DLGAP1: variants seen among roughly 807,000 people sequenced by gnomAD.
The protein encoded by DLGAP1 is DLG associated protein 1, also known as disks large-associated protein 1.
A neutral mutation model predicts 90.8 loss-of-function variants in DLGAP1; 11 were observed. That is an observed-to-expected ratio of 0.12 (90% CI 0.08 to 0.20). DLGAP1 has a LOEUF of 0.20. Ranked by LOEUF, DLGAP1 falls within the 10% of genes least tolerant of loss-of-function variation. The pLI is 1.00. For synonymous variants in DLGAP1, 558 were observed against 540.7 expected (o/e 1.03, Z -0.44); for missense variants, 1,050 against 1,333.8 (o/e 0.79, Z 3.31).
chr18:4,117,313 A>C (rs1473126576), intron 2 of DLGAP1, among the ~76,000 whole-genome samples: 1 of 152,250 alleles, frequency 6.6e-6, no homozygotes, highest in African/African-American at 2.4e-5. Context: ...AAATTAATAC[A>C]GGGTCACATT....
intron 7 of DLGAP1, among the ~76,000 whole-genome samples, chr18:3,672,346 G>A (rs1233933665): frequency 1.3e-5 from 2 of 151,976 alleles, no homozygotes; most frequent in African/African-American, 4.8e-5. Flanking sequence ...GGGAGGCTGA[G>A]GAGGGCGGAT....
rs76330359 is a variant in DLGAP1 at position 3,946,343 on chromosome 18, C to T, written c.-73+58773G>A. Among the ~76,000 whole-genome samples the T allele has an allele frequency of 5.6e-3, 854 of 152,174 alleles. 9 individuals carry two copies. The highest frequency in any genetic ancestry group is 0.028 in the South Asian group (133 of 4,812). ...TGTAGCTTGGTTCATTTGCTCACCACGTGTCATAATAATTATTAGACCAGG... is the reference window on the plus strand; with the variant it reads ...TGTAGCTTGGTTCATTTGCTCACCATGTGTCATAATAATTATTAGACCAGG... On this transcript the variant is annotated intron_variant, in intron 3 of 12. Transcript: ENST00000315677.
intron 9 of DLGAP1, among the ~76,000 whole-genome samples, chr18:3,535,072 CTGTGTGTGTGTG>C (rs111975324): frequency 0.032 from 4,671 of 144,738 alleles, 172 homozygotes; most frequent in African/African-American, 0.092. Context: ...TCAATCTTCT[CTGTGTGTGTGTG>C]TGTGTGTGTG....
intron 2 of DLGAP1, among the ~76,000 whole-genome samples, chr18:4,028,537 TG>T (rs1400071561): frequency 6.6e-6 from 1 of 152,214 alleles, no homozygotes; most frequent in Non-Finnish European, 1.5e-5. Flanking sequence ...CACCCTGACT[TG>T]ATTATACAAT....
intron 1 of DLGAP1, among the ~76,000 whole-genome samples, chr18:4,268,672 T>C (rs183374338): frequency 0.01 from 1,598 of 152,292 alleles, 10 homozygotes; most frequent in Non-Finnish European, 0.016. Flanking sequence ...ATAAGAATTA[T>C]TTTACATATT....
Position 4,112,504 on chromosome 18 carries a change from G to A in DLGAP1, c.-159+38676C>T, listed in dbSNP as rs1327897137. Among the ~76,000 whole-genome samples the A allele has an allele frequency of 2.6e-5, 4 of 152,120 alleles. No homozygotes were observed. The East Asian group carries it at 5.8e-4, about 22-fold the overall frequency. ...CTAGTAATTCTATTCATTATGGAAA[G>A]TAGGGTGCTGAAACATTTATTATTG... On this transcript the variant is annotated intron_variant, in intron 2 of 12. Transcript: ENST00000315677.
chr18:3,970,704 C>G (rs771749090), intron 3 of DLGAP1, among the ~76,000 whole-genome samples: 8 of 152,158 alleles, frequency 5.3e-5, no homozygotes, highest in Non-Finnish European at 1.2e-4. Flanking sequence ...CAAACAGGTA[C>G]TAAATTTAGA....
chr18:4,223,471 C>T (rs2078121340), intron 1 of DLGAP1, among the ~76,000 whole-genome samples: 1 of 152,094 alleles, frequency 6.6e-6, no homozygotes, highest in Non-Finnish European at 1.5e-5. Flanking sequence ...TCAGTGGGTA[C>T]TCACAACATT....
At chr18:4,256,586 T>C (rs1476529196) in intron 1 of DLGAP1, among the ~76,000 whole-genome samples, 3 of 152,190 alleles carry the variant, frequency 2.0e-5, no homozygotes, top group African/African-American at 7.2e-5. Context: ...TGTACTCAAC[T>C]CAAGGTCCTT....
intron 7 of DLGAP1, among the ~76,000 whole-genome samples, chr18:3,716,510 TG>T (rs1391090009): frequency 6.6e-6 from 1 of 151,614 alleles, no homozygotes. Flanking sequence ...CACTCCAGCC[TG>T]GGTGACACAG....
In DLGAP1 at chr18:4,137,727, A is replaced by G. The variant is rs190939365; in HGVS notation, c.-159+13453T>C. Among the ~76,000 whole-genome samples, 337 of 152,274 alleles carry G rather than the reference A, an allele frequency of 2.2e-3. 3 individuals are homozygous for G. The highest frequency in any genetic ancestry group is 7.0e-3 in the African/African-American group (289 of 41,568). On this transcript the variant is annotated intron_variant, in intron 2 of 12. Coordinates refer to ENST00000315677, the MANE Select transcript of DLGAP1 (RefSeq NM_004746.4). ...GTAGATTGCTTTGGATAGTATGGAC[A>G]TTTTAATAATGTTGATTCTTCCATC...
intron 2 of DLGAP1, among the ~76,000 whole-genome samples, chr18:4,019,018 T>A (rs971805533): frequency 2.6e-5 from 4 of 152,198 alleles, no homozygotes; most frequent in Admixed American, 2.0e-4. Context: ...AAAACATCAT[T>A]GACTGAATTT....
chr18:3,834,575 C>T (rs2068262655), intron 4 of DLGAP1, among the ~76,000 whole-genome samples: 1 of 152,010 alleles, frequency 6.6e-6, no homozygotes, highest in African/African-American at 2.4e-5. Context: ...ATGGACACTC[C>T]ATATAATCAA....
intron 1 of DLGAP1, among the ~76,000 whole-genome samples, chr18:4,153,387 G>A (rs1049960015): frequency 7.9e-5 from 12 of 152,176 alleles, no homozygotes; most frequent in African/African-American, 2.7e-4. Context: ...ATATAGAGAA[G>A]GGCATTGAAA....
intron 9 of DLGAP1, among the ~76,000 whole-genome samples, chr18:3,559,688 T>C (rs922796030): frequency 2.0e-5 from 3 of 149,490 alleles, no homozygotes; most frequent in African/African-American, 7.4e-5. Flanking sequence ...AGTGGCACGA[T>C]CTCAGCTCAC....
chr18:3,914,653 G>A (rs2072104560), intron 3 of DLGAP1, among the ~76,000 whole-genome samples: 1 of 152,142 alleles, frequency 6.6e-6, no homozygotes, highest in South Asian at 2.1e-4. Flanking sequence ...ATTTTCCATA[G>A]CAGCTGTACT....
At chr18:3,678,681 T>C (rs1490066598) in intron 7 of DLGAP1, among the ~76,000 whole-genome samples, 1 of 152,232 alleles carries the variant, frequency 6.6e-6, no homozygotes, top group Non-Finnish European at 1.5e-5. Context: ...TACAATGTTC[T>C]GATAGGTTAT....
intron 7 of DLGAP1, among the ~76,000 whole-genome samples, chr18:3,610,132 C>T (rs1458034506): frequency 2.0e-5 from 3 of 151,952 alleles, no homozygotes; most frequent in Non-Finnish European, 2.9e-5. Context: ...ATGTCCTCTC[C>T]TTCGAGAGGG....
intron 1 of DLGAP1, among the ~76,000 whole-genome samples, chr18:4,348,143 T>C (rs2081334241): frequency 6.6e-6 from 1 of 152,152 alleles, no homozygotes; most frequent in Non-Finnish European, 1.5e-5. Context: ...TCCATACATA[T>C]TGTCTGATTA....
Sources: allele counts gnomAD v4.1 joint callset (sites outside exome capture counted in the v4.1 genomes callset), GRCh38; gene constraint gnomAD v4.1.1; transcripts MANE v1.5; gene names NCBI Gene and HGNC (gene_info 2026-07-23, HGNC 2026-07-21).